Variants in PDE4DIP observed in about 807,000 individuals in gnomAD.
PDE4DIP encodes the protein phosphodiesterase 4D interacting protein, also known as myomegalin.
Under a neutral mutation model 221.4 loss-of-function variants are expected in PDE4DIP, and 59 were observed. The ratio of observed to expected loss-of-function variants is 0.27; its 90% CI spans 0.22 to 0.33. PDE4DIP has a LOEUF of 0.33. Ranked by LOEUF, PDE4DIP falls within the 10% of genes least tolerant of loss-of-function variation. PDE4DIP has a pLI of 1.00. For missense variants in PDE4DIP, 1,036 were observed against 2,154.2 expected (o/e 0.48, Z 10.28); for synonymous variants, 404 against 815.9 (o/e 0.50, Z 8.60).
chr1:149,025,540 T>G (rs1553626522), intron 38 of PDE4DIP: 1 of 152,012 alleles, frequency 6.6e-6, no homozygotes, highest in Non-Finnish European at 1.5e-5. Flanking sequence ...CTCCCAGTTT[T>G]CATTGAAATG....
chr1:149,030,430 A>T lies in PDE4DIP; in HGVS notation c.6999+152A>T, dbSNP rs79206190. 1.6e-4 allele frequency: 238 copies of T among 1,485,912 alleles called. 2 individuals carry two copies. The highest frequency in any genetic ancestry group is 1.5e-3 in the Middle Eastern group (6 of 4,044). The allele number at this position is 1,485,912 out of a possible 1,614,324, so 92.0% of individuals were successfully genotyped here. On this transcript the variant is annotated intron_variant, in intron 43 of 43. Coordinates refer to ENST00000369354, the Ensembl canonical transcript of PDE4DIP. The stretch of plus-strand genomic sequence containing the variant: ...GCAAGATCACAGGTCCTCAGTGAGC[A>T]TCCTGCTAGTTTCTGTCCCCATCAC...
intron 1 of PDE4DIP, among the ~76,000 whole-genome samples, chr1:148,893,105 G>C (rs1553438777): frequency 8.2e-6 from 1 of 121,488 alleles, no homozygotes; most frequent in African/African-American, 3.3e-5. Flanking sequence ...GTGTGTGTAT[G>C]TATTTTTTTT....
At chr1:148,918,650 C>A (rs1233731167) in intron 1 of PDE4DIP, among the ~76,000 whole-genome samples, 6 of 107,774 alleles carry the variant, frequency 5.6e-5, no homozygotes, top group African/African-American at 2.3e-4. Context: ...CACACACACA[C>A]ACACACACCC....
chr1:148,947,035 G>A (rs1490011085), intron 5 of PDE4DIP, among the ~76,000 whole-genome samples: 4 of 152,282 alleles, frequency 2.6e-5, no homozygotes, highest in African/African-American at 9.6e-5. Flanking sequence ...CCAGTCAATT[G>A]TTCTAACTGT....
At chr1:148,981,667 A>C in intron 21 of PDE4DIP, 2 of 415,846 alleles carry the variant, frequency 4.8e-6, no homozygotes, top group South Asian at 5.3e-5. Context: ...GTGTATTTGC[A>C]CATTTTAAAT....
chr1:148,985,097 A>G (rs781979325), intron 21 of PDE4DIP: 2 of 152,174 alleles, frequency 1.3e-5, no homozygotes, highest in Non-Finnish European at 2.9e-5. Flanking sequence ...CTAGAGATAG[A>G]ACAAATGAAA....
At chr1:148,925,635 G>T (rs2046530227) in intron 1 of PDE4DIP, among the ~76,000 whole-genome samples, 1 of 151,894 alleles carries the variant, frequency 6.6e-6, no homozygotes, top group Non-Finnish European at 1.5e-5. Context: ...GTAAGGCTGG[G>T]GTCTCTGACT....
rs200285691 is a variant in PDE4DIP at position 148,937,625 on chromosome 1, A to G, written c.519-122A>G. On this transcript the variant is annotated intron_variant, in intron 4 of 43. Coordinates refer to ENST00000369354, the Ensembl canonical transcript of PDE4DIP. ...TCTAAACAAATGTGTCAAAAGGTTC[A>G]ATGATCCAAAAGGATAAAAACCTGC... The G allele has an allele frequency of 6.4e-3, 3,888 of 603,666 alleles. 200 individuals are homozygous for G. In the East Asian group the frequency reaches 0.09, roughly 14 times the overall value. 37.4% of individuals were successfully genotyped at this position (603,666 alleles called of 1,614,324 possible).
chr1:148,938,053 ATC>A, intron 5 of PDE4DIP, 189 bp downstream of exon 8: 2 of 484,170 alleles, frequency 4.1e-6, no homozygotes, highest in South Asian at 4.5e-5. Flanking sequence ...CTTAGCTGAG[ATC>A]TGTTTGGAGT....
At chr1:148,870,817 G>GA (rs1404514991) in intron 3 of PDE4DIP, among the ~76,000 whole-genome samples, 1 of 149,872 alleles carries the variant, frequency 6.7e-6, no homozygotes, top group African/African-American at 2.4e-5. Context: ...ACATTGGTTA[G>GA]AAAAAATACA....
At chr1:149,010,531 C>A (rs781849681) in exon 31 of PDE4DIP, 1 of 1,613,998 alleles carries the variant, frequency 6.2e-7, no homozygotes, top group Non-Finnish European at 8.5e-7. Context: ...CCGAATCCAA[C>A]AGCAACCCCA....
chr1:148,947,097 A>G (rs75013312), intron 5 of PDE4DIP, among the ~76,000 whole-genome samples: 7 of 152,274 alleles, frequency 4.6e-5, no homozygotes. Flanking sequence ...TTGAAGAGAG[A>G]AAAAAAGGTA....
At chr1:149,030,236 C>T (rs1553635579) in exon 43 of PDE4DIP, 1 of 1,497,514 alleles carries the variant, frequency 6.7e-7, no homozygotes, top group Admixed American at 1.9e-5. Context: ...TTTCAGTAAC[C>T]AGAACACATG....
intron 1 of PDE4DIP, among the ~76,000 whole-genome samples, chr1:148,829,093 G>A (rs1553367458): frequency 6.8e-6 from 1 of 147,944 alleles, no homozygotes; most frequent in Non-Finnish European, 1.5e-5. Context: ...TGGGGGAAAT[G>A]TCCACCTTTT....
rs1436686112 is a variant in PDE4DIP, at chr1:148,874,986, T to C, written c.441+6364T>C. The stretch of plus-strand genomic sequence containing the variant: ...AGGCTTTTTCATTTTGGGGAGTTTC[T>C]GGAGCTCTGAGTTATCACAGTCTGG... On this transcript the variant is annotated intron_variant, in intron 3 of 45. Transcript: ENST00000524974. Among the ~76,000 whole-genome samples the C allele has an allele frequency of 1.4e-5, 2 of 148,048 alleles. 1 individual carries two copies. Among genetic ancestry groups the C allele is most frequent in the African/African-American group, 5.2e-5 (2 of 38,642 alleles).
chr1:148,920,110 A>G (rs1390375385), intron 1 of PDE4DIP, among the ~76,000 whole-genome samples: 1 of 144,782 alleles, frequency 6.9e-6, no homozygotes, highest in African/African-American at 2.8e-5. Flanking sequence ...GATTTTTTAA[A>G]AACTATTTAT....
At chr1:149,028,509 G>A (rs782407771) in intron 40 of PDE4DIP, 51 bp from the exon 44 acceptor site, 3 of 1,569,060 alleles carry the variant, frequency 1.9e-6, no homozygotes, top group Admixed American at 3.5e-5. Context: ...TTGAGCCCAT[G>A]CAGGGGGAAG....
At chr1:149,001,074 G>A (rs1553575116) in intron 23 of PDE4DIP, among the ~76,000 whole-genome samples, 1 of 152,174 alleles carries the variant, frequency 6.6e-6, no homozygotes, top group East Asian at 1.9e-4. Flanking sequence ...TCTATCACGT[G>A]AGCCAGACAT....
intron 2 of PDE4DIP, chr1:148,930,339 C>G (rs190449373): frequency 6.6e-6 from 1 of 151,610 alleles, no homozygotes; most frequent in African/African-American, 2.4e-5. Flanking sequence ...CGGTGAACCC[C>G]GTCTCTTCTA....
Sources: allele counts gnomAD v4.1 joint callset (sites outside exome capture counted in the v4.1 genomes callset), GRCh38; gene constraint gnomAD v4.1.1; transcripts MANE v1.5; gene names NCBI Gene and HGNC (gene_info 2026-07-23, HGNC 2026-07-21).